The following RUNX2 variants were observed in gnomAD, a reference collection of about 807,000 sequenced individuals.
RUNX2 encodes RUNX family transcription factor 2, also known as runt-related transcription factor 2.
A neutral mutation model predicts 51.7 loss-of-function variants in RUNX2; 10 were observed. The ratio of observed to expected loss-of-function variants is 0.19; its 90% CI spans 0.12 to 0.33. The LOEUF (loss-of-function observed/expected upper bound fraction) is 0.33. RUNX2 is among the 10% of genes least tolerant of loss of function. The pLI is 1.00. For synonymous variants in RUNX2, 276 were observed against 273.6 expected (o/e 1.01, Z -0.09); for missense variants, 562 against 691.3 (o/e 0.81, Z 2.10).
At chr6:45,539,892 G>A (rs1462564956) in intron 7 of RUNX2, among the ~76,000 whole-genome samples, 1 of 152,204 alleles carries the variant, frequency 6.6e-6, no homozygotes, top group African/African-American at 2.4e-5. Context: ...TAATACTTAG[G>A]AATGTGTGCA....
At chr6:45,397,636 A>G (rs1424607595) in intron 2 of RUNX2, among the ~76,000 whole-genome samples, 1 of 152,172 alleles carries the variant, frequency 6.6e-6, no homozygotes, top group African/African-American at 2.4e-5. Flanking sequence ...GATTCATGAT[A>G]CTTATTAGTA....
chr6:45,412,118 C>A (rs922248650), intron 2 of RUNX2, among the ~76,000 whole-genome samples: 1 of 150,764 alleles, frequency 6.6e-6, no homozygotes, highest in Non-Finnish European at 1.5e-5. Context: ...GAGGCCAAGG[C>A]CAGAAAATCG....
chr6:45,422,415 C>A, intron 2 of RUNX2, 178 bp from the exon 3 acceptor site: 2 of 634,542 alleles, frequency 3.2e-6, no homozygotes, highest in South Asian at 3.7e-5. Flanking sequence ...CAGACTCCGC[C>A]CGGCAGTCGG....
rs553188604 is a variant in RUNX2 at position 45,441,177 on chromosome 6, C to A, written c.685+3126C>A. Among the ~76,000 whole-genome samples, 12 of 152,214 alleles carry A rather than the reference C, an allele frequency of 7.9e-5. 1 individual carries two copies. The highest frequency in any genetic ancestry group is 6.8e-3 in the Middle Eastern group (2 of 294). On this transcript the variant is annotated intron_variant, in intron 5 of 8. Coordinates refer to ENST00000647337, the MANE Select transcript of RUNX2 (RefSeq NM_001024630.4). Reference sequence around the variant, plus strand: ...ATAAAAGTAGTATACTTCTGTTTATCACTTATAGTGGCTTGAAGTTGAGGA... The same window carrying A: ...ATAAAAGTAGTATACTTCTGTTTATAACTTATAGTGGCTTGAAGTTGAGGA...
chr6:45,422,777 G>T lies in RUNX2; in HGVS notation c.243G>T (p.Ala81=), dbSNP rs1221600299. 6 of 1,373,682 alleles carry T rather than the reference G, an allele frequency of 4.4e-6. No homozygotes were observed. Among genetic ancestry groups the T allele is most frequent in the South Asian group, 4.2e-5 (3 of 70,590 alleles). The allele number at this position is 1,373,682 out of a possible 1,614,324, so 85.1% of individuals were successfully genotyped here. A position where few individuals can be genotyped will look rare whatever the true frequency, so the allele number is the denominator to read the frequency against. Residue 81 remains alanine, a synonymous_variant, in exon 3 of 9, where the codon GCG becomes GCT. Transcript: ENST00000647337. ...QEAAAAAAAA[A]AAAAAAAAVP... The stretch of plus-strand genomic sequence containing the variant: ...CGGCGGCGGCGGCTGCGGCGGCGGC[G>T]GCGGCTGCGGCGGCGGCAGCTGCAG...
intron 7 of RUNX2, among the ~76,000 whole-genome samples, chr6:45,534,519 G>T (rs1467273642): frequency 6.6e-6 from 1 of 152,170 alleles, no homozygotes; most frequent in Non-Finnish European, 1.5e-5. Flanking sequence ...CTGATGGTTT[G>T]CTGGGACTGA....
Position 45,472,821 on chromosome 6 carries a change from G to A in RUNX2, c.686-19120G>A, listed in dbSNP as rs975836891. ...TCTGTATTGATTCAAAGAGAGGTGG[G>A]TGGGTATTAGAAAGCAAAGATCTTA... On this transcript the variant is annotated intron_variant, in intron 5 of 8. Coordinates refer to ENST00000647337, the MANE Select transcript of RUNX2 (RefSeq NM_001024630.4). 4.6e-5 allele frequency among the ~76,000 whole-genome samples: 7 copies of A among 152,304 alleles called. No homozygotes were observed. In the South Asian group the frequency reaches 1.0e-3, roughly 23 times the overall value.
intron 7 of RUNX2, among the ~76,000 whole-genome samples, chr6:45,544,192 A>G (rs1027559120): frequency 6.6e-6 from 1 of 152,196 alleles, no homozygotes; most frequent in South Asian, 2.1e-4. Context: ...ATTGGTTAAA[A>G]TACTGTAAAC....
At chr6:45,365,400 A>G in intron 2 of RUNX2, 1 of 768,454 alleles carries the variant, frequency 1.3e-6, no homozygotes. Flanking sequence ...AAAAGTAGAG[A>G]AAATTTAAAT....
chr6:45,546,599 C>T (rs1802407719), intron 8 of RUNX2, among the ~76,000 whole-genome samples: 1 of 152,092 alleles, frequency 6.6e-6, no homozygotes, highest in Non-Finnish European at 1.5e-5. Context: ...GTTTTTAAAG[C>T]CCTCTGGGAT....
intron 5 of RUNX2, among the ~76,000 whole-genome samples, chr6:45,438,254 C>T (rs1446025487): frequency 6.6e-6 from 1 of 152,138 alleles, no homozygotes; most frequent in Non-Finnish European, 1.5e-5. Flanking sequence ...ACCTTTGCCA[C>T]ACAATCACTA....
intron 2 of RUNX2, among the ~76,000 whole-genome samples, chr6:45,385,730 T>C (rs1009290183): frequency 6.6e-6 from 1 of 152,140 alleles, no homozygotes; most frequent in African/African-American, 2.4e-5. Flanking sequence ...TGAAACCCCG[T>C]CTGTACTAAA....
chr6:45,409,410 A>G (rs1447456237), intron 2 of RUNX2, among the ~76,000 whole-genome samples: 4 of 152,238 alleles, frequency 2.6e-5, no homozygotes, highest in Non-Finnish European at 5.9e-5. Context: ...CACATGGGCT[A>G]AGGTGGCTGG....
At position 45,367,894 on chromosome 6, in the gene RUNX2, A is replaced by G. The variant is rs141217829; in HGVS notation, c.58+39110A>G. Among the ~76,000 whole-genome samples the G allele has an allele frequency of 7.6e-4, 116 of 152,296 alleles. No homozygotes were observed. In the East Asian group the frequency reaches 0.022, roughly 29 times the overall value. On this transcript the variant is annotated intron_variant, in intron 2 of 8. Transcript: ENST00000647337. ...ACATTTTTCTTGACATGATGAGCTG[A>G]TAGGTCATTAGACTCTTTAAAATAA...
chr6:45,344,623 T>C (rs1790477694), intron 2 of RUNX2, among the ~76,000 whole-genome samples: 1 of 152,128 alleles, frequency 6.6e-6, no homozygotes, highest in African/African-American at 2.4e-5. Context: ...CTACCACAAA[T>C]TTAAAACCCA....
At chr6:45,394,958 G>T (rs1199937200) in intron 2 of RUNX2, among the ~76,000 whole-genome samples, 2 of 152,044 alleles carry the variant, frequency 1.3e-5, no homozygotes, top group East Asian at 3.8e-4. Context: ...ATGGGTGTGT[G>T]TGGGGGGGAG....
chr6:45,366,266 C>T (rs1795120261), intron 2 of RUNX2, among the ~76,000 whole-genome samples: 1 of 152,162 alleles, frequency 6.6e-6, no homozygotes, highest in South Asian at 2.1e-4. Context: ...ACTAAGAGGG[C>T]AGGTTCTGGG....
intron 4 of RUNX2, among the ~76,000 whole-genome samples, chr6:45,434,437 T>C (rs1208369613): frequency 6.6e-6 from 1 of 152,022 alleles, no homozygotes; most frequent in Admixed American, 6.5e-5. Flanking sequence ...GTTCCTCAAA[T>C]ATTGCACTTT....
intron 5 of RUNX2, among the ~76,000 whole-genome samples, chr6:45,460,238 G>T (rs1313087151): frequency 6.6e-6 from 1 of 152,204 alleles, no homozygotes; most frequent in African/African-American, 2.4e-5. Flanking sequence ...AGGAGCCAAT[G>T]TGGGACCCTG....
Sources: allele counts gnomAD v4.1 joint callset (sites outside exome capture counted in the v4.1 genomes callset), GRCh38; gene constraint gnomAD v4.1.1; transcripts MANE v1.5; gene names NCBI Gene and HGNC (gene_info 2026-07-23, HGNC 2026-07-21).